MYRFL: variants seen among roughly 807,000 people sequenced by gnomAD.
The protein encoded by MYRFL is myelin regulatory factor like, also known as myelin regulatory factor-like protein.
In MYRFL, 88 loss-of-function variants were observed where a neutral mutation model predicts 109.4. The observed-to-expected ratio is 0.80, with a 90% CI of 0.68 to 0.96. The LOEUF is 0.96. Ranked by LOEUF, MYRFL falls within the 40% of genes least tolerant of loss-of-function variation. The probability of loss-of-function intolerance (pLI) is 0.00; values close to 1 mark genes in which losing one functional copy is unlikely to be tolerated. For missense variants in MYRFL, 957 were observed against 954.9 expected (o/e 1.00, Z -0.03); for synonymous variants, 324 against 320.9 (o/e 1.01, Z -0.10).
In MYRFL at chr12:69,893,811, T is replaced by C; in HGVS notation, c.951T>C (p.Asp317=). The C allele has an allele frequency of 2.2e-6, 3 of 1,395,310 alleles. No homozygotes were observed. The highest frequency in any genetic ancestry group is 2.8e-6 in the Non-Finnish European group (3 of 1,074,696). 86.4% of individuals were successfully genotyped at this position (1,395,310 alleles called of 1,614,324 possible). A position where few individuals can be genotyped will look rare whatever the true frequency, so the allele number is the denominator to read the frequency against. ...QIIAIEQSQA[D]RSKKIFNPVK... is the part of the protein sequence containing the mutation. Reference sequence around the variant, plus strand: ...TTGCTATTGAACAGTCCCAAGCAGATAGGAGCAAAAAGATTTTCAATCCTG... The same window carrying C: ...TTGCTATTGAACAGTCCCAAGCAGACAGGAGCAAAAAGATTTTCAATCCTG... Residue 317 remains aspartate, a synonymous_variant, in exon 8 of 25, where the codon GAT becomes GAC. Transcript: ENST00000552032.
chr12:69,952,716 A>T, intron 20 of MYRFL, 83 bp from the exon 21 acceptor site: 1 of 946,186 alleles, frequency 1.1e-6, no homozygotes, highest in Non-Finnish European at 1.5e-6. Context: ...CCCATTCTGT[A>T]ATTTGAGGAC....
At chr12:69,952,778 G>C in intron 20 of MYRFL, 21 bp from the exon 21 acceptor site, 1 of 1,464,784 alleles carries the variant, frequency 6.8e-7, no homozygotes, top group Non-Finnish European at 9.2e-7. Flanking sequence ...TATTTACTTT[G>C]TCTATTTCTT....
chr12:69,874,901 C>T (rs746583304), intron 2 of MYRFL, among the ~76,000 whole-genome samples: 2 of 151,474 alleles, frequency 1.3e-5, no homozygotes, highest in Non-Finnish European at 2.9e-5. Context: ...TACAGTTACT[C>T]CACTCTGATG....
intron 1 of MYRFL, among the ~76,000 whole-genome samples, chr12:69,830,973 G>C (rs767653342): frequency 1.3e-5 from 2 of 152,004 alleles, no homozygotes; most frequent in Non-Finnish European, 1.5e-5. Context: ...ACAATGTCTT[G>C]GAAGCTAAAC....
rs569700227 is a variant in MYRFL, at chr12:69,869,690, C to T, written c.138-9338C>T. 9.4e-4 allele frequency among the ~76,000 whole-genome samples: 143 copies of T among 152,130 alleles called. 1 individual carries two copies. The South Asian group carries it at 0.029, about 30-fold the overall frequency. Reference sequence around the variant, plus strand: ...GGCGGTTGGTGTTGTATGAAGGCACCGAGGGATTCATTGGAGAAAACTAGG... The same window carrying T: ...GGCGGTTGGTGTTGTATGAAGGCACTGAGGGATTCATTGGAGAAAACTAGG... On this transcript the variant is annotated intron_variant, in intron 2 of 24. Coordinates refer to ENST00000552032, the MANE Select transcript of MYRFL (RefSeq NM_182530.3).
intron 19 of MYRFL, among the ~76,000 whole-genome samples, chr12:69,947,450 A>G (rs903384896): frequency 1.3e-5 from 2 of 152,198 alleles, no homozygotes; most frequent in Non-Finnish European, 2.9e-5. Flanking sequence ...TCACTTAATA[A>G]AAAGTTTGGG....
chr12:69,898,471 C>T (rs10879045), intron 10 of MYRFL, among the ~76,000 whole-genome samples: 48,000 of 151,884 alleles, frequency 0.32, 7,835 homozygotes, highest in African/African-American at 0.36. Context: ...AGGTGGGGCC[C>T]TCTCCTTGCG....
chr12:69,925,741 G>A (rs1197035087), intron 13 of MYRFL, among the ~76,000 whole-genome samples: 1 of 151,956 alleles, frequency 6.6e-6, no homozygotes, highest in Admixed American at 6.6e-5. Context: ...TTTTTCTGAT[G>A]TGTCAGTGAC....
At chr12:69,909,734 G>A (rs144004878) in intron 11 of MYRFL, among the ~76,000 whole-genome samples, 227 of 152,268 alleles carry the variant, frequency 1.5e-3, no homozygotes, top group African/African-American at 4.5e-3. Flanking sequence ...GTGATTGCAC[G>A]TAGAGGATGC....
chr12:69,859,866 T>G (rs1048663354), intron 2 of MYRFL, among the ~76,000 whole-genome samples: 2 of 152,168 alleles, frequency 1.3e-5, no homozygotes, highest in African/African-American at 4.8e-5. Context: ...GTGTGGCAAT[T>G]CCTCAGGCAT....
chr12:69,940,408 A>AAAG (rs2120503036), intron 19 of MYRFL, among the ~76,000 whole-genome samples: 1 of 150,654 alleles, frequency 6.6e-6, no homozygotes, highest in African/African-American at 2.4e-5. Context: ...CAACATTCTT[A>AAAG]AAGAAAATAA....
At chr12:69,892,758 A>C (rs1309681089) in intron 7 of MYRFL, among the ~76,000 whole-genome samples, 2 of 152,260 alleles carry the variant, frequency 1.3e-5, no homozygotes, top group East Asian at 3.8e-4. Context: ...AATGTAATAT[A>C]AGTTCATTGT....
chr12:69,913,610 G>A (rs533600227), intron 13 of MYRFL, among the ~76,000 whole-genome samples: 6 of 152,278 alleles, frequency 3.9e-5, no homozygotes, highest in South Asian at 4.1e-4. Context: ...AACCATATAT[G>A]TGAGAGTTTA....
chr12:69,845,379 A>G (rs1469752127), intron 1 of MYRFL, among the ~76,000 whole-genome samples: 1 of 152,178 alleles, frequency 6.6e-6, no homozygotes, highest in Non-Finnish European at 1.5e-5. Context: ...TGTCTTGTCC[A>G]TCCTAGCCTT....
At chr12:69,851,668 T>C (rs987853774) in intron 1 of MYRFL, among the ~76,000 whole-genome samples, 2 of 152,170 alleles carry the variant, frequency 1.3e-5, no homozygotes, top group African/African-American at 4.8e-5. Flanking sequence ...TTACATAATA[T>C]TTTATTTTGA....
At chr12:69,953,434 G>A (rs750878051) in intron 21 of MYRFL, among the ~76,000 whole-genome samples, 2 of 152,192 alleles carry the variant, frequency 1.3e-5, no homozygotes, top group Non-Finnish European at 2.9e-5. Flanking sequence ...GAGGGTGCAA[G>A]TTGCTTCAAA....
At chr12:69,941,841 G>C (rs1192816869) in intron 19 of MYRFL, among the ~76,000 whole-genome samples, 1 of 151,604 alleles carries the variant, frequency 6.6e-6, no homozygotes, top group African/African-American at 2.4e-5. Context: ...AATAAAAAAT[G>C]ATAAAGGGGA....
At chr12:69,914,415 G>A (rs1954668967) in intron 13 of MYRFL, among the ~76,000 whole-genome samples, 1 of 152,156 alleles carries the variant, frequency 6.6e-6, no homozygotes, top group Admixed American at 6.5e-5. Flanking sequence ...ATGTCAGCAA[G>A]CTGCCAAGGT....
chr12:69,854,598 C>A (rs1412741172), intron 1 of MYRFL, among the ~76,000 whole-genome samples: 1 of 152,104 alleles, frequency 6.6e-6, no homozygotes, highest in African/African-American at 2.4e-5. Flanking sequence ...GTTGATCAGG[C>A]TGGTCTTGAA....
Sources: gnomAD v4.1 joint callset for allele counts (sites outside exome capture counted in the v4.1 genomes callset) on GRCh38, gnomAD v4.1.1 for gene constraint, MANE v1.5 for transcripts, NCBI Gene and HGNC (gene_info 2026-07-23, HGNC 2026-07-21) for gene names.